Variants in SIMC1 observed in about 807,000 individuals in gnomAD.
The protein encoded by SIMC1 is SUMO-interacting motif-containing protein 1.
In SIMC1, 55 loss-of-function variants were observed where a neutral mutation model predicts 82.3. That is an observed-to-expected ratio of 0.67 (90% confidence interval 0.54 to 0.84). The LOEUF (loss-of-function observed/expected upper bound fraction) is 0.84, where lower values mean the gene tolerates loss of function less well. Among genes scored for constraint, SIMC1 ranks in the 40% least tolerant of loss-of-function variants. The pLI, the probability that SIMC1 is intolerant of heterozygous loss-of-function variation, is 0.00. For synonymous variants in SIMC1, 353 were observed against 426.3 expected, an observed-to-expected ratio of 0.83 and a Z score of 2.12; for missense variants, 915 against 1,107.2, an observed-to-expected ratio of 0.83 and a Z score of 2.46.
chr5:176,329,432 G>T (rs527489534), intron 7 of SIMC1, among the ~76,000 whole-genome samples: 2 of 150,324 alleles, frequency 1.3e-5, no homozygotes, highest in Non-Finnish European at 2.9e-5. Context: ...GATAGAGATA[G>T]TGCAACTGCA....
intron 1 of SIMC1, among the ~76,000 whole-genome samples, chr5:176,247,634 G>C (rs1473566198): frequency 2.0e-5 from 3 of 151,980 alleles, no homozygotes; most frequent in Non-Finnish European, 2.9e-5. Flanking sequence ...TGTCAATTTT[G>C]GCTTTTGTTG....
At chr5:176,253,411 G>C in intron 1 of SIMC1, among the ~76,000 whole-genome samples, 1 of 152,020 alleles carries the variant, frequency 6.6e-6, no homozygotes, top group East Asian at 1.9e-4. Flanking sequence ...ACGGAGTTTT[G>C]CAATGTTGGC....
chr5:176,320,684 C>A (rs1384222526), intron 5 of SIMC1, among the ~76,000 whole-genome samples: 2 of 152,046 alleles, frequency 1.3e-5, no homozygotes, highest in Non-Finnish European at 2.9e-5. Flanking sequence ...CTACATATTT[C>A]AATTTACCCC....
intron 5 of SIMC1, among the ~76,000 whole-genome samples, chr5:176,314,458 T>C (rs780919422): frequency 2.6e-5 from 4 of 152,218 alleles, no homozygotes; most frequent in Non-Finnish European, 4.4e-5. Context: ...GAAAGCCTTA[T>C]ATAAAACTTT....
At chr5:176,266,053 G>A (rs559781448) in intron 1 of SIMC1, among the ~76,000 whole-genome samples, 1 of 152,300 alleles carries the variant, frequency 6.6e-6, no homozygotes, top group East Asian at 1.9e-4. Flanking sequence ...GAGCAATGCA[G>A]TTGGATTCTA....
intron 9 of SIMC1, 145 bp downstream of exon 9, chr5:176,337,291 C>T (rs543037311): frequency 1.3e-5 from 9 of 699,620 alleles, no homozygotes; most frequent in Admixed American, 2.9e-5. Flanking sequence ...ATGACATAGC[C>T]GGAGTCACCA....
At chr5:176,286,316 C>G (rs1303981843) in intron 1 of SIMC1, among the ~76,000 whole-genome samples, 121 of 152,336 alleles carry the variant, frequency 7.9e-4, no homozygotes, top group Middle Eastern at 3.4e-3. Flanking sequence ...AGAACAGAGC[C>G]CTCAGAAATA....
intron 7 of SIMC1, among the ~76,000 whole-genome samples, chr5:176,329,693 A>C (rs1314074894): frequency 6.6e-6 from 1 of 152,134 alleles, no homozygotes; most frequent in Non-Finnish European, 1.5e-5. Flanking sequence ...ACTGAACTCT[A>C]GTTAGTAGGT....
chr5:176,262,297 A>T (rs1338181321), intron 1 of SIMC1, among the ~76,000 whole-genome samples: 1 of 118,726 alleles, frequency 8.4e-6, no homozygotes, highest in Non-Finnish European at 1.8e-5. Flanking sequence ...AAAAAAAAAA[A>T]AAGCCTTCCA....
At position 176,243,657 on chromosome 5, in the gene SIMC1, G is replaced by A. The variant is rs558164437; in HGVS notation, c.129+5020G>A. On this transcript the variant is annotated intron_variant, in intron 1 of 9. Transcript: ENST00000429602. ...CCCACCTCAGCCTCCCGAGTAGCCG[G>A]GACTACAAGCACACCACCACGCTTG... Among the ~76,000 whole-genome samples, 21 of 152,018 alleles carry A rather than the reference G, an allele frequency of 1.4e-4. No individual in the cohort carries two copies. In the East Asian group the frequency reaches 3.3e-3, roughly 24 times the overall value.
chr5:176,330,400 C>CAAAA (rs554910341), intron 7 of SIMC1, among the ~76,000 whole-genome samples: 9 of 94,196 alleles, frequency 9.6e-5, no homozygotes, highest in African/African-American at 3.7e-4. Context: ...GTCTCCATCT[C>CAAAA]AAAAAAAAAA....
chr5:176,256,587 C>A (rs1761857593), intron 1 of SIMC1, among the ~76,000 whole-genome samples: 2 of 152,104 alleles, frequency 1.3e-5, no homozygotes, highest in Admixed American at 1.3e-4. Flanking sequence ...TTTAAAAACA[C>A]CTTTTCTAAA....
At chr5:176,314,135 C>T (rs908417795) in intron 5 of SIMC1, among the ~76,000 whole-genome samples, 5 of 152,046 alleles carry the variant, frequency 3.3e-5, no homozygotes, top group African/African-American at 7.2e-5. Flanking sequence ...GGCGTGGTGG[C>T]GTATGCCTGT....
At chr5:176,271,719 G>T (rs931928470) in intron 1 of SIMC1, among the ~76,000 whole-genome samples, 1 of 151,392 alleles carries the variant, frequency 6.6e-6, no homozygotes, top group African/African-American at 2.4e-5. Flanking sequence ...ATGACTGAGG[G>T]AGTACAATTG....
At chr5:176,269,558 G>T (rs1762338784) in intron 1 of SIMC1, among the ~76,000 whole-genome samples, 1 of 152,120 alleles carries the variant, frequency 6.6e-6, no homozygotes, top group Non-Finnish European at 1.5e-5. Context: ...CAAATTTCAG[G>T]TGCAAAGAGG....
At chr5:176,330,867 T>A (rs1385858568) in intron 7 of SIMC1, among the ~76,000 whole-genome samples, 1 of 152,182 alleles carries the variant, frequency 6.6e-6, no homozygotes, top group Admixed American at 6.5e-5. Flanking sequence ...GATACTTATT[T>A]ATTACAAAGG....
chr5:176,337,742 C>T (rs1353851058), intron 9 of SIMC1, among the ~76,000 whole-genome samples: 1 of 152,182 alleles, frequency 6.6e-6, no homozygotes, highest in Non-Finnish European at 1.5e-5. Flanking sequence ...TCCGTCAATA[C>T]AATGTAAGTA....
chr5:176,318,042 C>T (rs1427583049), intron 5 of SIMC1, among the ~76,000 whole-genome samples: 1 of 152,160 alleles, frequency 6.6e-6, no homozygotes, highest in East Asian at 1.9e-4. Flanking sequence ...ACTTGATGTA[C>T]AACCTATGTA....
intron 9 of SIMC1, among the ~76,000 whole-genome samples, chr5:176,341,750 GTGATGA>G (rs59865118): frequency 0.2 from 30,025 of 151,690 alleles, 2,996 homozygotes; most frequent in Middle Eastern, 0.29. Context: ...GATTCCTATA[GTGATGA>G]TGATGATGAT....
Sources: allele counts gnomAD v4.1 joint callset (sites outside exome capture counted in the v4.1 genomes callset), GRCh38; gene constraint gnomAD v4.1.1; transcripts MANE v1.5; gene names NCBI Gene and HGNC (gene_info 2026-07-23, HGNC 2026-07-21).